WDR91: variants seen among roughly 807,000 people sequenced by gnomAD.
WDR91 encodes the protein WD repeat domain 91, also known as WD repeat-containing protein 91.
Under a neutral mutation model 88.4 loss-of-function variants are expected in WDR91, and 52 were observed. That is an observed-to-expected ratio of 0.59 (90% CI 0.47 to 0.74). WDR91 has a LOEUF of 0.74. Among genes scored for constraint, WDR91 ranks in the 30% least tolerant of loss-of-function variants. The pLI is 0.00. For synonymous variants in WDR91, 362 were observed against 389.5 expected (o/e 0.93, Z 0.83); for missense variants, 824 against 954.5 (o/e 0.86, Z 1.80).
rs201931213 is a variant in WDR91 at position 135,197,985 on chromosome 7, C to T, written c.1050+8G>A. The T allele has an allele frequency of 6.2e-7, 1 of 1,613,714 alleles. No homozygotes were observed. The highest frequency in any genetic ancestry group is 2.2e-5 in the East Asian group (1 of 44,870). ...GTGTCCCCAGGGGTGTTCAGGACAA[C>T]CCCATACCTGGGAAGTGGTTGTGGA... On this transcript the variant is annotated splice_region_variant and intron_variant, in intron 7 of 14. Transcript: ENST00000354475.
intron 1 of WDR91, among the ~76,000 whole-genome samples, chr7:135,210,025 G>A (rs1304573034): frequency 2.0e-5 from 3 of 152,178 alleles, no homozygotes; most frequent in Non-Finnish European, 4.4e-5. Flanking sequence ...TCCAGATCTT[G>A]GATCTGCCTC....
chr7:135,186,926 C>T (rs754553672), intron 14 of WDR91, 46 bp downstream of exon 14: 1 of 1,609,794 alleles, frequency 6.2e-7, no homozygotes, highest in East Asian at 2.2e-5. Context: ...GGAGGAACCC[C>T]TGCCCACCAC....
At chr7:135,204,172 G>A (rs1309212779) in intron 6 of WDR91, 96 bp downstream of exon 6, 3 of 1,429,014 alleles carry the variant, frequency 2.1e-6, no homozygotes, top group African/African-American at 2.8e-5. Flanking sequence ...CCTAAAAGGA[G>A]GGCAAACAAG....
At chr7:135,209,476 G>T in intron 2 of WDR91, 100 bp downstream of exon 2, 2 of 1,224,838 alleles carry the variant, frequency 1.6e-6, no homozygotes, top group South Asian at 1.8e-5. Flanking sequence ...CTTTCCCATA[G>T]TCACATACAG....
chr7:135,206,053 A>T lies in WDR91; in HGVS notation c.600T>A (p.Phe200Leu). Residue 200 changes from phenylalanine (F) to leucine (L), a missense_variant, in exon 5 of 15, where the codon TTT (phenylalanine) becomes TTA (leucine). By Grantham distance (22) the Phe-to-Leu change is conservative (BLOSUM62 0). Coordinates refer to ENST00000354475, the MANE Select transcript of WDR91 (RefSeq NM_014149.4). ...EENEVLRQKL[F>L]ALQAEIHRLK... ...GTCGGTGGATTTCAGCTTGCAATGC[A>T]AAAAGCTATACAGGGGTGGGACTGA... 1 of 1,614,208 alleles carries T rather than the reference A, an allele frequency of 6.2e-7. No individual in the cohort carries two copies. The highest frequency in any genetic ancestry group is 8.5e-7 in the Non-Finnish European group (1 of 1,180,028).
At chr7:135,192,760 C>A (rs1372232961) in intron 11 of WDR91, among the ~76,000 whole-genome samples, 2 of 152,198 alleles carry the variant, frequency 1.3e-5, no homozygotes, top group Admixed American at 1.3e-4. Flanking sequence ...TAGCATCATT[C>A]AATCTCTCTG....
At position 135,196,460 on chromosome 7, in the gene WDR91, A is replaced by G; in HGVS notation, c.1051-123T>C. ...GGGGTTCTCGGTAATTACAGAGTGG[A>G]GAGGAGAGCTCTGACCTGCGAGGGT... On this transcript the variant is annotated intron_variant, in intron 7 of 14. Transcript: ENST00000354475. This position sits in a 1 kb window ranked among gnomAD's most constrained non-coding sequence, Gnocchi z 4.2. The G allele has an allele frequency of 1.0e-6, 1 of 961,828 alleles. No individual in the cohort carries two copies. The highest frequency in any genetic ancestry group is 1.5e-6 in the Non-Finnish European group (1 of 685,196). The allele number at this position is 961,828 out of a possible 1,614,324, so 59.6% of individuals were successfully genotyped here.
intron 1 of WDR91, chr7:135,210,835 C>G (rs1462219440): frequency 1.4e-6 from 1 of 703,702 alleles, no homozygotes. Flanking sequence ...CCAAGAACCT[C>G]GCAATGGAAA....
chr7:135,208,790 T>A lies in WDR91; in HGVS notation c.511+1A>T. 6.2e-7 allele frequency: 1 copy of A among 1,600,754 alleles called. No individual in the cohort carries two copies. The highest frequency in any genetic ancestry group is 8.5e-7 in the Non-Finnish European group (1 of 1,172,274). Reference sequence around the variant, plus strand: ...TCAGCCCCAGGCAACTGAAAGGATATGCATGCACTGAAACAGGACGCTCAG... The same window carrying A: ...TCAGCCCCAGGCAACTGAAAGGATAAGCATGCACTGAAACAGGACGCTCAG... On this transcript the variant is annotated splice_donor_variant, in intron 3 of 14. Coordinates refer to ENST00000354475, the MANE Select transcript of WDR91 (RefSeq NM_014149.4). LOFTEE classifies it high-confidence loss of function.
At position 135,206,274 on chromosome 7, in the gene WDR91, C is replaced by T. The variant is rs180959214; in HGVS notation, c.595-216G>A. On this transcript the variant is annotated intron_variant, in intron 4 of 14. Coordinates refer to ENST00000354475, the MANE Select transcript of WDR91 (RefSeq NM_014149.4). The stretch of plus-strand genomic sequence containing the variant: ...AGAAAACCAAAAACCATTAGAAATC[C>T]AAAACCCATTTTCTTTTTAATCATT... 2.6e-5 allele frequency among the ~76,000 whole-genome samples: 4 copies of T among 152,190 alleles called. No homozygotes were observed. In the East Asian group the frequency reaches 5.8e-4, roughly 22 times the overall value.
chr7:135,192,943 T>C (rs146105640), intron 11 of WDR91, among the ~76,000 whole-genome samples: 3 of 152,230 alleles, frequency 2.0e-5, no homozygotes, highest in East Asian at 1.9e-4. Context: ...ATAATTCTCA[T>C]ACAATTTTAA....
chr7:135,193,512 G>A, intron 10 of WDR91, 66 bp downstream of exon 10: 1 of 1,611,112 alleles, frequency 6.2e-7, no homozygotes, highest in South Asian at 1.1e-5. Flanking sequence ...CTTGGGAAAG[G>A]ACCAGCCCCG....
At chr7:135,190,878 C>T (rs1831138741) in intron 11 of WDR91, among the ~76,000 whole-genome samples, 1 of 151,998 alleles carries the variant, frequency 6.6e-6, no homozygotes, top group South Asian at 2.1e-4. Flanking sequence ...AATGGGAGTT[C>T]CAGAAGGCAA....
intron 4 of WDR91, among the ~76,000 whole-genome samples, 167 bp from the exon 5 acceptor site, chr7:135,206,225 C>T (rs1173787018): frequency 6.6e-6 from 1 of 152,202 alleles, no homozygotes; most frequent in East Asian, 1.9e-4. Context: ...AAAGTGACTG[C>T]TGTCACTGGA....
At chr7:135,206,492 A>T (rs2117713567) in intron 4 of WDR91, among the ~76,000 whole-genome samples, 1 of 152,028 alleles carries the variant, frequency 6.6e-6, no homozygotes, top group South Asian at 2.1e-4. Flanking sequence ...CACACCCCAA[A>T]TCCCAAGAAT....
intron 1 of WDR91, 39 bp downstream of exon 1, chr7:135,211,341 G>T: frequency 1.3e-6 from 2 of 1,585,930 alleles, no homozygotes; most frequent in Non-Finnish European, 1.7e-6. Context: ...CGGCTCCCTC[G>T]GGCCGCCTCT....
intron 5 of WDR91, among the ~76,000 whole-genome samples, chr7:135,204,642 CTCT>C (rs549087368): frequency 1.3e-5 from 2 of 152,190 alleles, no homozygotes; most frequent in Non-Finnish European, 2.9e-5. Context: ...AAGTCTGCGG[CTCT>C]TCTTTGAGGG....
chr7:135,190,863 T>C (rs1247785774), intron 11 of WDR91, among the ~76,000 whole-genome samples: 3 of 152,088 alleles, frequency 2.0e-5, no homozygotes, highest in Non-Finnish European at 2.9e-5. Flanking sequence ...TTCTAACACA[T>C]ATGGAATGGG....
chr7:135,202,290 A>T (rs1423376920), intron 6 of WDR91: 2 of 152,210 alleles, frequency 1.3e-5, no homozygotes, highest in African/African-American at 4.8e-5. Context: ...TTGAACCTCA[A>T]ATCTACTAGT....
Sources: allele counts gnomAD v4.1 joint callset (sites outside exome capture counted in the v4.1 genomes callset), GRCh38; gene constraint gnomAD v4.1.1; non-coding constraint Gnocchi (gnomAD v3.1); transcripts MANE v1.5; gene names NCBI Gene and HGNC (gene_info 2026-07-23, HGNC 2026-07-21).